Variants in CASD1 observed in about 807,000 individuals in gnomAD.
CASD1 encodes the protein N-acetylneuraminate (7)9-O-acetyltransferase.
In CASD1, 41 loss-of-function variants were observed where a neutral mutation model predicts 100.0. The observed-to-expected ratio is 0.41, with a 90% CI of 0.32 to 0.53. The LOEUF (loss-of-function observed/expected upper bound fraction) is 0.53. CASD1 is among the 20% of genes least tolerant of loss of function. CASD1 has a pLI of 0.25. For synonymous variants in CASD1, 321 were observed against 315.6 expected (o/e 1.02, Z -0.18); for missense variants, 774 against 948.7 (o/e 0.82, Z 2.42).
the CASD1 span, chr7:94,626,633 C>T: frequency 6.6e-6 from 1 of 151,908 alleles, no homozygotes; most frequent in African/African-American, 2.4e-5. Context: ...CCATTTATAT[C>T]ATTGATGGTT....
chr7:94,532,987 T>A (rs1339051485), intron 5 of CASD1, among the ~76,000 whole-genome samples: 1 of 152,156 alleles, frequency 6.6e-6, no homozygotes, highest in Non-Finnish European at 1.5e-5. Flanking sequence ...ATTTCTGTCA[T>A]CCTGTGTGTA....
the CASD1 span, among the ~76,000 whole-genome samples, chr7:94,594,097 C>T: frequency 1.3e-5 from 2 of 151,988 alleles, no homozygotes; most frequent in Non-Finnish European, 2.9e-5. Context: ...AATGTTATTA[C>T]TTGGAATTAA....
chr7:94,515,586 T>C (rs974215818), intron 1 of CASD1, among the ~76,000 whole-genome samples: 4 of 152,120 alleles, frequency 2.6e-5, no homozygotes, highest in African/African-American at 9.7e-5. Context: ...GATACTGGTA[T>C]GGTGTTTCCA....
At chr7:94,518,825 A>T (rs1335164429) in intron 3 of CASD1, among the ~76,000 whole-genome samples, 2 of 151,996 alleles carry the variant, frequency 1.3e-5, no homozygotes, top group Non-Finnish European at 2.9e-5. Context: ...AATTTTATAT[A>T]ATTTTCCACT....
chr7:94,544,450 G>A lies in CASD1; in HGVS notation c.1396G>A (p.Ala466Thr). The change falls in exon 11 of 18, where the codon GCA (alanine) becomes ACA (threonine). Residue 466 changes from alanine (A) to threonine (T), a missense_variant. Physicochemically the swap from Ala to Thr is moderately conservative, Grantham distance 58. Transcript: ENST00000297273. ...VYMHIRVLVAAYLFQTGYGHF... is the reference protein window; with the variant it reads ...VYMHIRVLVATYLFQTGYGHF... The stretch of plus-strand genomic sequence containing the variant: ...CATGCACATTCGAGTTCTGGTTGCT[G>A]CATATTTATTTCAGACAGGGTATGG... 1.2e-6 allele frequency: 2 copies of A among 1,613,088 alleles called. No individual in the cohort carries two copies. Among genetic ancestry groups the A allele is most frequent in the Non-Finnish European group, 1.7e-6 (2 of 1,179,432 alleles).
chr7:94,514,908 G>A (rs550816609), intron 1 of CASD1, among the ~76,000 whole-genome samples: 76 of 151,988 alleles, frequency 5.0e-4, no homozygotes, highest in Non-Finnish European at 9.7e-4. Flanking sequence ...GTTTTGTTTT[G>A]TTAGGTTTGT....
intron 17 of CASD1, 117 bp from the exon 18 acceptor site, chr7:94,555,375 A>G: frequency 6.1e-6 from 6 of 987,554 alleles, no homozygotes; most frequent in Non-Finnish European, 8.7e-6. Context: ...ACAGAATAAA[A>G]TGGTTTTAGG....
chr7:94,567,036 A>C, the CASD1 span, among the ~76,000 whole-genome samples: 1 of 152,100 alleles, frequency 6.6e-6, no homozygotes, highest in Admixed American at 6.6e-5. Context: ...GCTATACTCC[A>C]GATATTTACC....
At chr7:94,579,709 G>C in the CASD1 span, among the ~76,000 whole-genome samples, 1 of 152,134 alleles carries the variant, frequency 6.6e-6, no homozygotes, top group Non-Finnish European at 1.5e-5. Context: ...ATGAGCACCA[G>C]TTTTCTCATC....
At chr7:94,633,726 G>A in the CASD1 span, among the ~76,000 whole-genome samples, 44 of 152,068 alleles carry the variant, frequency 2.9e-4, no homozygotes, top group African/African-American at 9.4e-4. Context: ...GGGTGTGCAC[G>A]TGTGCTTATT....
chr7:94,522,092 A>G (rs1794311358), intron 3 of CASD1, among the ~76,000 whole-genome samples: 1 of 152,206 alleles, frequency 6.6e-6, no homozygotes, highest in Non-Finnish European at 1.5e-5. Flanking sequence ...TCAAAAAAGA[A>G]AAGAGTAAGA....
At chr7:94,530,961 G>A (rs1209737063) in intron 5 of CASD1, among the ~76,000 whole-genome samples, 1 of 152,148 alleles carries the variant, frequency 6.6e-6, no homozygotes, top group Non-Finnish European at 1.5e-5. Context: ...GTGGAATGAA[G>A]CTACAGCATT....
chr7:94,530,563 T>C (rs1009087953), intron 5 of CASD1, among the ~76,000 whole-genome samples: 1 of 152,056 alleles, frequency 6.6e-6, no homozygotes, highest in Admixed American at 6.6e-5. Flanking sequence ...TGGAGAACCA[T>C]TGAAAGTTTT....
intron 16 of CASD1, chr7:94,553,702 G>C (rs1025585992): frequency 6.6e-6 from 1 of 151,846 alleles, no homozygotes; most frequent in Non-Finnish European, 1.5e-5. Context: ...TGGTAAGCTG[G>C]TTATTGGATG....
Position 94,549,642 on chromosome 7 carries a change from T to TTTA in CASD1, c.1815+9_1815+11dup, listed in dbSNP as rs1242801153. On this transcript the variant is annotated intron_variant, in intron 14 of 17. Transcript: ENST00000297273. ...TGGAGGTTAGACCGTTATGTATGTA[T>TTTA]TTACTTTGTGATATTTTGTCATTTC... 6.4e-7 allele frequency: 1 copy of TTTA among 1,572,540 alleles called. No homozygotes were observed. The highest frequency in any genetic ancestry group is 8.7e-7 in the Non-Finnish European group (1 of 1,153,610).
At chr7:94,578,216 C>T in the CASD1 span, among the ~76,000 whole-genome samples, 1 of 152,296 alleles carries the variant, frequency 6.6e-6, no homozygotes, top group South Asian at 2.1e-4. Context: ...ACCATCTTTA[C>T]AAACCCAGAG....
the CASD1 span, among the ~76,000 whole-genome samples, chr7:94,565,906 TA>T: frequency 2.6e-5 from 4 of 152,110 alleles, no homozygotes; most frequent in Non-Finnish European, 5.9e-5. Flanking sequence ...GAGAATTGGG[TA>T]AGAAGAGCTT....
At chr7:94,600,862 T>C in the CASD1 span, 1 of 1,603,144 alleles carries the variant, frequency 6.2e-7, no homozygotes, top group East Asian at 2.2e-5. Context: ...ATCAACCTGA[T>C]ATAAAAGAAG....
At chr7:94,516,750 T>G (rs1408571454) in intron 1 of CASD1, among the ~76,000 whole-genome samples, 1 of 151,818 alleles carries the variant, frequency 6.6e-6, no homozygotes, top group African/African-American at 2.4e-5. Flanking sequence ...AAGTGTAGAG[T>G]GACTCTTTGT....
Sources: gnomAD v4.1 joint callset for allele counts (sites outside exome capture counted in the v4.1 genomes callset) on GRCh38, gnomAD v4.1.1 for gene constraint, MANE v1.5 for transcripts, NCBI Gene and HGNC (gene_info 2026-07-23, HGNC 2026-07-21) for gene names.